Variants in MACROD2 observed in about 807,000 individuals in gnomAD.
MACROD2 encodes mono-ADP ribosylhydrolase 2, also known as ADP-ribose glycohydrolase MACROD2.
MACROD2 carries 36 observed loss-of-function variants against 70.4 expected under a neutral mutation model. The observed-to-expected ratio is 0.51, with a 90% CI of 0.39 to 0.68. The LOEUF is 0.68. Among genes scored for constraint, MACROD2 ranks in the 30% least tolerant of loss-of-function variants. The pLI, the probability that MACROD2 is intolerant of heterozygous loss-of-function variation, is 0.00. For synonymous variants in MACROD2, 172 were observed against 178.8 expected, an observed-to-expected ratio of 0.96 and a Z score of 0.30; for missense variants, 496 against 538.4, an observed-to-expected ratio of 0.92 and a Z score of 0.78.
chr20:14,824,196 C>T (rs1031700421), intron 5 of MACROD2, among the ~76,000 whole-genome samples: 17 of 152,080 alleles, frequency 1.1e-4, no homozygotes, highest in Admixed American at 9.8e-4. Flanking sequence ...CAATTCAGAG[C>T]TGTTGAACAA....
chr20:15,674,959 A>G (rs6034255), intron 8 of MACROD2, among the ~76,000 whole-genome samples: 3,554 of 152,224 alleles, frequency 0.023, 118 homozygotes, highest in African/African-American at 0.079. Flanking sequence ...AATTAATTCC[A>G]TCTCTGGGGA....
intron 3 of MACROD2, among the ~76,000 whole-genome samples, chr20:14,167,405 C>G (rs897395560): frequency 6.6e-6 from 1 of 151,170 alleles, no homozygotes; most frequent in Non-Finnish European, 1.5e-5. Context: ...TTTTTTGAGA[C>G]GGAGTTTTGC....
intron 2 of MACROD2, among the ~76,000 whole-genome samples, chr20:14,042,699 C>T (rs143982143): frequency 1.7e-3 from 266 of 152,142 alleles, no homozygotes; most frequent in African/African-American, 6.0e-3. Flanking sequence ...GGGGTTTCAC[C>T]GTGTTGGCCA....
chr20:15,996,230 A>G (rs2066630434), intron 15 of MACROD2, among the ~76,000 whole-genome samples: 1 of 151,928 alleles, frequency 6.6e-6, no homozygotes, highest in Non-Finnish European at 1.5e-5. Flanking sequence ...TCTCATTGTG[A>G]TTTTGATTTC....
Position 14,370,802 on chromosome 20 carries a change from A to G in MACROD2, c.272-122677A>G, listed in dbSNP as rs376292257. ...ACAGTTTCTTTTTCAGAAAACTGCC[A>G]AAGAGTCTCCCTGTGCTTTATTAAG... is the stretch of plus-strand genomic sequence containing the variant. On this transcript the variant is annotated intron_variant, in intron 3 of 17. Transcript: ENST00000684519. Among the ~76,000 whole-genome samples, 25 of 152,322 alleles carry G rather than the reference A, an allele frequency of 1.6e-4. 1 individual carries two copies. In the East Asian group the frequency reaches 3.5e-3, roughly 21 times the overall value.
At chr20:14,736,035 G>A (rs1023713237) in intron 5 of MACROD2, among the ~76,000 whole-genome samples, 12 of 152,132 alleles carry the variant, frequency 7.9e-5, no homozygotes, top group African/African-American at 2.9e-4. Context: ...AATGTTTATA[G>A]CAGCAATATT....
intron 3 of MACROD2, among the ~76,000 whole-genome samples, chr20:14,133,375 AT>A (rs2054745505): frequency 6.6e-6 from 1 of 152,202 alleles, no homozygotes; most frequent in Non-Finnish European, 1.5e-5. Flanking sequence ...TCCAATACAA[AT>A]ATTAACTCTG....
chr20:15,542,577 T>G (rs1171731608), intron 8 of MACROD2, among the ~76,000 whole-genome samples: 3 of 151,712 alleles, frequency 2.0e-5, no homozygotes, highest in African/African-American at 7.3e-5. Context: ...AAAGATAGAG[T>G]CTTAAAAGAA....
chr20:14,838,908 G>A (rs537003048), intron 5 of MACROD2, among the ~76,000 whole-genome samples: 1 of 152,128 alleles, frequency 6.6e-6, no homozygotes, highest in South Asian at 2.1e-4. Flanking sequence ...CAACTGAGCA[G>A]GAGACATAGA....
intron 4 of MACROD2, among the ~76,000 whole-genome samples, chr20:14,528,912 T>C (rs1361357255): frequency 6.6e-6 from 1 of 152,206 alleles, no homozygotes; most frequent in East Asian, 1.9e-4. Context: ...CTGGGTCTTA[T>C]GTAATAATAA....
chr20:14,788,184 T>A (rs1419131319), intron 5 of MACROD2, among the ~76,000 whole-genome samples: 10 of 152,062 alleles, frequency 6.6e-5, no homozygotes, highest in Non-Finnish European at 2.9e-5. Context: ...TATCCTTTTT[T>A]AAAAGTGGGA....
At chr20:14,141,996 A>C (rs1432446599) in intron 3 of MACROD2, among the ~76,000 whole-genome samples, 1 of 152,132 alleles carries the variant, frequency 6.6e-6, no homozygotes, top group Admixed American at 6.5e-5. Flanking sequence ...GTATCCTGTA[A>C]GGTGAGGACT....
chr20:14,435,677 A>G (rs79015429), intron 3 of MACROD2, among the ~76,000 whole-genome samples: 17,986 of 151,824 alleles, frequency 0.12, 1,269 homozygotes, highest in East Asian at 0.27. Context: ...TATTACTTAA[A>G]GTACATTAGT....
chr20:14,055,278 T>G (rs2053618843), intron 2 of MACROD2, among the ~76,000 whole-genome samples: 1 of 152,152 alleles, frequency 6.6e-6, no homozygotes, highest in African/African-American at 2.4e-5. Context: ...ATAGTTTTAC[T>G]CTGGTTCTTT....
At chr20:14,902,867 G>T (rs1236585852) in intron 5 of MACROD2, among the ~76,000 whole-genome samples, 3 of 152,060 alleles carry the variant, frequency 2.0e-5, no homozygotes, top group Admixed American at 6.6e-5. Context: ...GGCAGAAGAA[G>T]AGAAAGAGTT....
At chr20:15,689,783 C>T (rs972906720) in intron 8 of MACROD2, among the ~76,000 whole-genome samples, 2 of 152,100 alleles carry the variant, frequency 1.3e-5, no homozygotes, top group African/African-American at 2.4e-5. Context: ...TAAACACTTT[C>T]TCCAAAAGGA....
chr20:15,580,634 G>T (rs7266842), intron 8 of MACROD2, among the ~76,000 whole-genome samples: 254 of 152,220 alleles, frequency 1.7e-3, no homozygotes, highest in African/African-American at 5.8e-3. Context: ...AAATGTAGTG[G>T]CCAATGGAAA....
chr20:15,863,280 C>A (rs558420198), intron 9 of MACROD2, among the ~76,000 whole-genome samples: 4 of 152,174 alleles, frequency 2.6e-5, no homozygotes, highest in Admixed American at 1.3e-4. Context: ...CTATTCCTTC[C>A]CAAGTTTCTC....
intron 5 of MACROD2, among the ~76,000 whole-genome samples, chr20:14,725,928 T>C (rs1005257853): frequency 2.6e-5 from 4 of 152,150 alleles, no homozygotes; most frequent in East Asian, 1.9e-4. Flanking sequence ...ACCCACAGTG[T>C]GTGCTAGAAC....
Sources: allele counts gnomAD v4.1 joint callset (sites outside exome capture counted in the v4.1 genomes callset), GRCh38; gene constraint gnomAD v4.1.1; transcripts MANE v1.5; gene names NCBI Gene and HGNC (gene_info 2026-07-23, HGNC 2026-07-21).